Variants in TTF1 observed in about 807,000 individuals in gnomAD.
TTF1 encodes the protein transcription termination factor 1.
A neutral mutation model predicts 80.2 loss-of-function variants in TTF1; 64 were observed. The ratio of observed to expected loss-of-function variants is 0.80; its 90% CI spans 0.65 to 0.98. TTF1 has a LOEUF of 0.98. TTF1 is among the 50% of genes least tolerant of loss of function. The probability of loss-of-function intolerance (pLI) is 0.00; values close to 1 mark genes in which losing one functional copy is unlikely to be tolerated. For synonymous variants in TTF1, 372 were observed against 382.7 expected, an observed-to-expected ratio of 0.97 and a Z score of 0.33; for missense variants, 1,023 against 1,086.2, an observed-to-expected ratio of 0.94 and a Z score of 0.82.
intron 6 of TTF1, among the ~76,000 whole-genome samples, chr9:132,391,799 CA>C (rs1200775231): frequency 5.9e-5 from 9 of 152,222 alleles, no homozygotes; most frequent in Admixed American, 5.9e-4. Flanking sequence ...CAGGCTCTCC[CA>C]CCACCAGTTT....
In TTF1 at chr9:132,402,153, C is replaced by CT. The variant is rs765042099; in HGVS notation, c.668dup (p.Lys224GlufsTer5). 1.9e-6 allele frequency: 3 copies of CT among 1,613,874 alleles called. No homozygotes were observed. Among genetic ancestry groups the CT allele is most frequent in the Admixed American group, 3.3e-5 (2 of 59,980 alleles). On this transcript the variant is annotated frameshift_variant, in exon 2 of 11. Coordinates refer to ENST00000334270, the MANE Select transcript of TTF1 (RefSeq NM_007344.4). LOFTEE classifies it high-confidence loss of function. ...CATATTCCCGGTTACTGGACTTTTTCTTTTTTTTCTTAGACTTGTTTTTAT... is the reference window on the plus strand; with the variant it reads ...CATATTCCCGGTTACTGGACTTTTTCTTTTTTTTTCTTAGACTTGTTTTTAT...
chr9:132,378,739 G>A (rs1322914909), intron 10 of TTF1, among the ~76,000 whole-genome samples: 1 of 151,848 alleles, frequency 6.6e-6, no homozygotes, highest in Non-Finnish European at 1.5e-5. Context: ...CTTGCATGTG[G>A]TGTGGTGCAC....
At chr9:132,396,724 G>GT (rs1849658502) in intron 4 of TTF1, among the ~76,000 whole-genome samples, 1 of 150,844 alleles carries the variant, frequency 6.6e-6, no homozygotes, top group Non-Finnish European at 1.5e-5. Flanking sequence ...CTGGAGTGCA[G>GT]TGGCACTGTG....
chr9:132,383,885 T>C (rs564808077), intron 9 of TTF1, among the ~76,000 whole-genome samples: 1 of 152,360 alleles, frequency 6.6e-6, no homozygotes, highest in East Asian at 1.9e-4. Flanking sequence ...CTATAAAGAA[T>C]GTCACTATAT....
intron 5 of TTF1, among the ~76,000 whole-genome samples, chr9:132,395,645 C>T (rs1412136387): frequency 6.6e-6 from 1 of 152,156 alleles, no homozygotes; most frequent in Admixed American, 6.5e-5. Flanking sequence ...AAAAAGGAAA[C>T]CGAGGTCATA....
At position 132,375,980 on chromosome 9, in the gene TTF1, C is replaced by A. The variant is rs1589812143; in HGVS notation, c.2653G>T (p.Ala885Ser). 6.2e-7 allele frequency: 1 copy of A among 1,613,546 alleles called. No individual in the cohort carries two copies. The highest frequency in any genetic ancestry group is 1.1e-5 in the South Asian group (1 of 91,038). ...TTACAGGCGTGAGCCATGCATGGCGCCTGGCCTTCGCTTTCTTTTTCTATG... is the reference window on the plus strand; with the variant it reads ...TTACAGGCGTGAGCCATGCATGGCGACTGGCCTTCGCTTTCTTTTTCTATG... ...EDIEKESEGQ[A>S]PCMAHACNSS... Residue 885 changes from alanine to serine, a missense_variant, in exon 11 of 11, where the codon GCG becomes TCG. Coordinates refer to ENST00000334270, the MANE Select transcript of TTF1 (RefSeq NM_007344.4).
chr9:132,397,319 G>A (rs75903982), intron 4 of TTF1, among the ~76,000 whole-genome samples: 2,715 of 152,280 alleles, frequency 0.018, 47 homozygotes, highest in Non-Finnish European at 0.029. Flanking sequence ...CAACGGGGGC[G>A]TACTAGCCTG....
In TTF1 at chr9:132,402,606, G is replaced by T; in HGVS notation, c.216C>A (p.Ile72=). The T allele has an allele frequency of 6.2e-7, 1 of 1,613,426 alleles. No individual in the cohort carries two copies. Among genetic ancestry groups the T allele is most frequent in the South Asian group, 1.1e-5 (1 of 90,914 alleles). ...AAGTGGCATTTGCAGTCTCATCACA[G>T]ATTCTGGATTTTTTCAAAGGAGAAG... The part of the protein sequence containing the change: ...LISSPLKKSR[I]CDETANATST... Residue 72 remains isoleucine, a synonymous_variant, in exon 2 of 11, where the codon ATC becomes ATA. Coordinates refer to ENST00000334270, the MANE Select transcript of TTF1 (RefSeq NM_007344.4).
chr9:132,386,533 T>C lies in TTF1; in HGVS notation c.2378+23A>G, dbSNP rs568229393. The C allele has an allele frequency of 4.7e-5, 74 of 1,565,040 alleles. No individual in the cohort carries two copies. In the South Asian group the frequency reaches 7.8e-4, roughly 16 times the overall value. ...AGTCATCTCTATATTTTAATTAGTT[T>C]AATATTAAACAAATGGTCTTACCCT... On this transcript the variant is annotated intron_variant, in intron 9 of 10. Transcript: ENST00000334270.
chr9:132,390,767 C>T lies in TTF1; in HGVS notation c.2052G>A (p.Val684=). The change falls in exon 7 of 11, where the codon GTG becomes GTA. Residue 684 remains valine, a synonymous_variant. Coordinates refer to ENST00000334270, the MANE Select transcript of TTF1 (RefSeq NM_007344.4). ...CCTGGGGAGACATCTTCTTCAGAAT[C>T]ACTTCTTCGACAGCCTTGATTAGTT... ...TRKLIKAVEE[V]ILKKMSPQEL... The T allele has an allele frequency of 6.2e-7, 1 of 1,614,234 alleles. No homozygotes were observed. Among genetic ancestry groups the T allele is most frequent in the South Asian group, 1.1e-5 (1 of 91,086 alleles).
intron 8 of TTF1, among the ~76,000 whole-genome samples, chr9:132,387,696 A>AG (rs201135997): frequency 0.013 from 1,970 of 152,234 alleles, 22 homozygotes; most frequent in Admixed American, 0.023. Context: ...TCAACACTTT[A>AG]GGGGGGACCC....
At chr9:132,379,008 T>C (rs1384408864) in intron 10 of TTF1, 51 bp downstream of exon 10, 1 of 1,391,858 alleles carries the variant, frequency 7.2e-7, no homozygotes, top group Admixed American at 2.2e-5. Context: ...ATTACCAGCA[T>C]GTGGCACCAA....
intron 10 of TTF1, among the ~76,000 whole-genome samples, chr9:132,377,523 GCA>G (rs1383890136): frequency 2.1e-5 from 3 of 140,408 alleles, no homozygotes; most frequent in African/African-American, 5.6e-5. Context: ...GTGAGTGCAT[GCA>G]TGTAGTGTGA....
At chr9:132,391,035 T>G (rs369921256) in intron 6 of TTF1, among the ~76,000 whole-genome samples, 3 of 152,346 alleles carry the variant, frequency 2.0e-5, no homozygotes, top group African/African-American at 4.8e-5. Flanking sequence ...AAGCCTGAAA[T>G]TATTCAATAA....
intron 5 of TTF1, among the ~76,000 whole-genome samples, chr9:132,392,601 C>T (rs1037187867): frequency 2.6e-5 from 4 of 152,158 alleles, no homozygotes; most frequent in Non-Finnish European, 5.9e-5. Context: ...TTGATTGCTC[C>T]TGGAGAACAC....
chr9:132,377,844 TGTGTGAATGCATGTG>T (rs1304172116), intron 10 of TTF1, among the ~76,000 whole-genome samples: 2 of 123,138 alleles, frequency 1.6e-5, no homozygotes, highest in Non-Finnish European at 1.6e-5. Context: ...GCATGTGGTG[TGTGTGAATGCATGTG>T]GTGTGAGTGC....
At chr9:132,387,442 A>T (rs1040935397) in intron 8 of TTF1, among the ~76,000 whole-genome samples, 1 of 152,042 alleles carries the variant, frequency 6.6e-6, no homozygotes, top group Non-Finnish European at 1.5e-5. Flanking sequence ...CTGCCTCTCT[A>T]GCAGGGAAGA....
chr9:132,378,783 A>T (rs1210303680), intron 10 of TTF1, among the ~76,000 whole-genome samples: 2 of 151,698 alleles, frequency 1.3e-5, no homozygotes, highest in Non-Finnish European at 2.9e-5. Context: ...TGTGTGCACG[A>T]GTGTGTGTGT....
chr9:132,402,113 G>A lies in TTF1; in HGVS notation c.709C>T (p.Pro237Ser). ...SNREYETLAM[P>S]EGSQAGREAG... ...TCTCTGCCTGCTTGCGATCCTTCAG[G>A]CATGGCCAGTGTCTCATATTCCCGG... The change falls in exon 2 of 11, where the codon CCT becomes TCT. Residue 237 changes from proline to serine, a missense_variant. Physicochemically the swap from Pro to Ser is moderately conservative, Grantham distance 74. Transcript: ENST00000334270. 6.2e-7 allele frequency: 1 copy of A among 1,614,044 alleles called. No homozygotes were observed. The highest frequency in any genetic ancestry group is 1.3e-5 in the African/African-American group (1 of 74,998).
Sources: gnomAD v4.1 joint callset for allele counts (sites outside exome capture counted in the v4.1 genomes callset) on GRCh38, gnomAD v4.1.1 for gene constraint, MANE v1.5 for transcripts, NCBI Gene and HGNC (gene_info 2026-07-23, HGNC 2026-07-21) for gene names.